Variants in OMA1 observed in about 807,000 individuals in gnomAD.
OMA1 encodes metalloendopeptidase OMA1, mitochondrial.
Under a neutral mutation model 30.9 loss-of-function variants are expected in OMA1, and 38 were observed. The observed-to-expected ratio is 1.23, with a 90% confidence interval of 0.95 to 1.61. OMA1 has a LOEUF of 1.61. OMA1 is among the 40% of genes most tolerant of loss of function. The probability of loss-of-function intolerance (pLI) is 0.00; values close to 1 mark genes in which losing one functional copy is unlikely to be tolerated. For synonymous variants in OMA1, 173 were observed against 121.9 expected (o/e 1.42, Z -2.76); for missense variants, 461 against 349.2 (o/e 1.32, Z -2.55).
At chr1:58,505,022 G>C (rs542845417) in intron 8 of OMA1, among the ~76,000 whole-genome samples, 1 of 151,720 alleles carries the variant, frequency 6.6e-6, no homozygotes. Context: ...GCACGATCTC[G>C]GCTCACTACA....
chr1:58,491,489 G>C (rs1234632653), intron 8 of OMA1, among the ~76,000 whole-genome samples: 2 of 152,106 alleles, frequency 1.3e-5, no homozygotes, highest in African/African-American at 4.8e-5. Context: ...AAAGAGTCAA[G>C]ACCCATCAGT....
At chr1:58,531,346 T>G (rs1189748082) in intron 5 of OMA1, among the ~76,000 whole-genome samples, 1 of 152,200 alleles carries the variant, frequency 6.6e-6, no homozygotes, top group African/African-American at 2.4e-5. Flanking sequence ...GTTTGTAAAT[T>G]TGTAAGTCTA....
intron 8 of OMA1, among the ~76,000 whole-genome samples, chr1:58,492,216 C>G (rs935079851): frequency 1.3e-5 from 2 of 151,982 alleles, no homozygotes; most frequent in African/African-American, 4.8e-5. Context: ...TTGAAACCAA[C>G]GAGAACAAAG....
intron 7 of OMA1, among the ~76,000 whole-genome samples, chr1:58,522,281 A>G (rs1238164710): frequency 6.6e-6 from 1 of 152,200 alleles, no homozygotes; most frequent in Non-Finnish European, 1.5e-5. Flanking sequence ...TTATTAATGT[A>G]ACAAACCTGC....
intron 2 of OMA1, 123 bp from the exon 3 acceptor site, chr1:58,536,864 A>C (rs1646525973): frequency 1.6e-6 from 1 of 614,454 alleles, no homozygotes; most frequent in Non-Finnish European, 2.9e-6. Flanking sequence ...TATTTCGCTG[A>C]ATACATCGCT....
intron 1 of OMA1, chr1:58,541,657 A>C (rs1032320237): frequency 1.4e-5 from 2 of 143,622 alleles, no homozygotes; most frequent in Non-Finnish European, 3.1e-5. Context: ...AACAAAAAAC[A>C]AAAAAACCCA....
At chr1:58,534,531 TCTAATA>T (rs796375533) in intron 3 of OMA1, among the ~76,000 whole-genome samples, 200 bp from the exon 4 acceptor site, 12 of 152,244 alleles carry the variant, frequency 7.9e-5, no homozygotes, top group Admixed American at 2.6e-4. Context: ...AGGAATAAAT[TCTAATA>T]CTAAGTTTTT....
intron 5 of OMA1, among the ~76,000 whole-genome samples, chr1:58,530,965 G>A (rs1304992147): frequency 6.6e-6 from 1 of 152,082 alleles, no homozygotes; most frequent in African/African-American, 2.4e-5. Flanking sequence ...CTATTAGTCA[G>A]AGGATATAAA....
chr1:58,506,440 T>A (rs1215482689), intron 7 of OMA1, among the ~76,000 whole-genome samples: 1 of 152,206 alleles, frequency 6.6e-6, no homozygotes, highest in African/African-American at 2.4e-5. Context: ...TGTCACTACA[T>A]GCTTTAAAGT....
chr1:58,515,781 G>A (rs1424051493), intron 7 of OMA1, among the ~76,000 whole-genome samples: 1 of 152,104 alleles, frequency 6.6e-6, no homozygotes, highest in Non-Finnish European at 1.5e-5. Context: ...TACTAACTAG[G>A]TATAGGTTAT....
At chr1:58,499,477 T>TAGATAGATAGATAGATAG (rs1553122687) in intron 8 of OMA1, among the ~76,000 whole-genome samples, 5 of 143,662 alleles carry the variant, frequency 3.5e-5, no homozygotes, top group Non-Finnish European at 7.6e-5. Context: ...AAAGCCAGAC[T>TAGATAGATAGATAGATAG]ATAGATAGAT....
chr1:58,542,863 T>C lies in OMA1; in HGVS notation c.-16-3553A>G, dbSNP rs552458516. Among the ~76,000 whole-genome samples the C allele has an allele frequency of 3.3e-5, 5 of 152,308 alleles. No homozygotes were observed. In the East Asian group the frequency reaches 7.7e-4, roughly 23 times the overall value. On this transcript the variant is annotated intron_variant, in intron 1 of 8. Coordinates refer to ENST00000371226, the MANE Select transcript of OMA1 (RefSeq NM_145243.5). Reference sequence around the variant, plus strand: ...AGAGCTAGGAGTAGGTATTTGATACTGAAAAGATTTTACATAAAACAGTAT... The same window carrying C: ...AGAGCTAGGAGTAGGTATTTGATACCGAAAAGATTTTACATAAAACAGTAT...
chr1:58,543,029 T>C (rs1230393811), intron 1 of OMA1, among the ~76,000 whole-genome samples: 1 of 151,770 alleles, frequency 6.6e-6, no homozygotes, highest in African/African-American at 2.4e-5. Context: ...GACAATGGAC[T>C]ATTAAGTGTA....
chr1:58,516,304 T>C (rs1038119896), intron 7 of OMA1, among the ~76,000 whole-genome samples: 4 of 152,228 alleles, frequency 2.6e-5, no homozygotes, highest in Admixed American at 6.5e-5. Context: ...TTAAAACTGA[T>C]AGTTTAGTTG....
intron 8 of OMA1, 107 bp from the exon 9 acceptor site, chr1:58,481,281 TA>T (rs1180804987): frequency 1.1e-4 from 46 of 428,024 alleles, no homozygotes; most frequent in Middle Eastern, 6.2e-4. Flanking sequence ...AATGTATTGT[TA>T]TTTTTTTAAT....
chr1:58,489,450 C>T (rs1297740927), intron 8 of OMA1, among the ~76,000 whole-genome samples: 2 of 152,196 alleles, frequency 1.3e-5, no homozygotes, highest in Admixed American at 1.3e-4. Flanking sequence ...CTGGGAAGCT[C>T]GAACTGGGTG....
intron 8 of OMA1, among the ~76,000 whole-genome samples, chr1:58,499,314 C>CAAAAAAAAA (rs58217798): frequency 4.3e-5 from 3 of 69,738 alleles, no homozygotes; most frequent in Non-Finnish European, 5.7e-5. Context: ...CACATCTCTA[C>CAAAAAAAAA]AAAAAAAAAA....
chr1:58,509,671 G>T (rs112260886), intron 7 of OMA1, among the ~76,000 whole-genome samples: 1 of 145,234 alleles, frequency 6.9e-6, no homozygotes, highest in Non-Finnish European at 1.5e-5. Flanking sequence ...CATAAATAAA[G>T]AAAACAGAGA....
intron 8 of OMA1, among the ~76,000 whole-genome samples, chr1:58,504,688 T>C (rs1379305066): frequency 6.6e-6 from 1 of 152,208 alleles, no homozygotes; most frequent in African/African-American, 2.4e-5. Context: ...AATATCGATC[T>C]ACCTAATGAA....
Sources: allele counts gnomAD v4.1 joint callset (sites outside exome capture counted in the v4.1 genomes callset), GRCh38; gene constraint gnomAD v4.1.1; transcripts MANE v1.5; gene names NCBI Gene and HGNC (gene_info 2026-07-23, HGNC 2026-07-21).